FAM83G: variants seen among roughly 807,000 people sequenced by gnomAD.
The protein encoded by FAM83G is protein FAM83G.
Under a neutral mutation model 61.5 loss-of-function variants are expected in FAM83G, and 38 were observed. That is an observed-to-expected ratio of 0.62 (90% confidence interval 0.48 to 0.81). FAM83G has a LOEUF of 0.81. FAM83G is among the 30% of genes least tolerant of loss of function. The pLI is 0.00. For synonymous variants in FAM83G, 470 were observed against 476.1 expected, an observed-to-expected ratio of 0.99 and a Z score of 0.17; for missense variants, 989 against 1,133.6, an observed-to-expected ratio of 0.87 and a Z score of 1.83.
chr17:18,982,551 T>C (rs932146535), intron 3 of FAM83G, among the ~76,000 whole-genome samples: 2 of 152,144 alleles, frequency 1.3e-5, no homozygotes, highest in African/African-American at 4.8e-5. Context: ...AGTTTCCTCA[T>C]AAGTAAGAGA....
At chr17:18,976,222 A>C (rs1368079975) in intron 5 of FAM83G, 2 of 147,996 alleles carry the variant, frequency 1.4e-5, no homozygotes, top group Non-Finnish European at 1.5e-5. Context: ...TAGAATCGTA[A>C]TATCAGTGCT....
intron 5 of FAM83G, among the ~76,000 whole-genome samples, chr17:18,973,010 C>T (rs115317321): frequency 5.3e-4 from 81 of 152,372 alleles, no homozygotes; most frequent in African/African-American, 1.9e-3. Context: ...AAGCTGCCCA[C>T]ATCCGCCATG....
intron 2 of FAM83G, among the ~76,000 whole-genome samples, chr17:18,993,708 G>C (rs1375060778): frequency 6.6e-6 from 1 of 152,204 alleles, no homozygotes; most frequent in Non-Finnish European, 1.5e-5. Flanking sequence ...GGTGGACAGA[G>C]TCTCTCATCT....
chr17:18,977,156 T>C, intron 5 of FAM83G: 1 of 917,330 alleles, frequency 1.1e-6, no homozygotes, highest in Non-Finnish European at 1.6e-6. Flanking sequence ...GGGATTAACA[T>C]GGATGTGGCT....
rs2043585373 is a variant in FAM83G, at chr17:18,996,962, C to G, written c.522+6558G>C. ...GGCCCATGGCGGGTCACTTCCCACT[C>G]TAAGCCTCAGCTTCTCTTCTTGGTA... On this transcript the variant is annotated intron_variant, in intron 2 of 5. Coordinates refer to ENST00000388995, the MANE Select transcript of FAM83G (RefSeq NM_001039999.3). The surrounding 1 kb of genome is among the most constrained non-coding windows in gnomAD (Gnocchi z 4.4). Among the ~76,000 whole-genome samples, 2 of 152,268 alleles carry G rather than the reference C, an allele frequency of 1.3e-5. No homozygotes were observed. The highest frequency in any genetic ancestry group is 4.8e-5 in the African/African-American group (2 of 41,476).
intron 5 of FAM83G, chr17:18,977,154 C>T (rs1281469774): frequency 1.1e-6 from 1 of 934,154 alleles, no homozygotes; most frequent in African/African-American, 1.6e-5. Context: ...AAGGGATTAA[C>T]ATGGATGTGG....
Position 18,977,751 on chromosome 17 carries a change from T to C in FAM83G, c.1915A>G (p.Asn639Asp). 1 of 1,605,970 alleles carries C rather than the reference T, an allele frequency of 6.2e-7. No homozygotes were observed. The highest frequency in any genetic ancestry group is 2.2e-5 in the East Asian group (1 of 44,818). ...CGGCGCGGTGGTGGGGTTGGCCCGT[T>C]GGCCACTTGCTCTGAGTGGCGCCTC... ...LRRRHSEQVANGPTPPPRRQL... is the reference protein window; with the variant it reads ...LRRRHSEQVADGPTPPPRRQL... The change falls in exon 5 of 6, where the codon AAC (asparagine) becomes GAC (aspartate). Residue 639 changes from asparagine to aspartate, a missense_variant. This residue lies in a region of FAM83G where 574 missense variants were observed against 645.1 expected (regional missense o/e 0.89). Transcript: ENST00000388995.
rs572835495 is a variant in FAM83G at position 18,970,374 on chromosome 17, G to A, written c.*985C>T. ...AGTGACACAGACACAGATGGGCCAG[G>A]GCTTGGCCATGCCGGGCCCTGACCC... On this transcript the variant is annotated 3_prime_UTR_variant, in exon 6 of 6. Transcript: ENST00000388995. 1.3e-5 allele frequency: 2 copies of A among 155,404 alleles called. No homozygotes were observed. The highest frequency in any genetic ancestry group is 1.4e-5 in the Non-Finnish European group (1 of 69,988). 9.6% of individuals were successfully genotyped at this position (155,404 alleles called of 1,614,324 possible).
rs547210552 is a variant in FAM83G, at chr17:19,000,614, G to T, written c.522+2906C>A. Among the ~76,000 whole-genome samples, 1 of 152,160 alleles carries T rather than the reference G, an allele frequency of 6.6e-6. No homozygotes were observed. Among genetic ancestry groups the T allele is most frequent in the African/African-American group, 2.4e-5 (1 of 41,424 alleles). On this transcript the variant is annotated intron_variant, in intron 2 of 5. Coordinates refer to ENST00000388995, the MANE Select transcript of FAM83G (RefSeq NM_001039999.3). This position sits in a 1 kb window ranked among gnomAD's most constrained non-coding sequence, Gnocchi z 5.2. ...CGACAGGTAAGGTGAGTGAGGAGGC[G>T]GAAGGCTGGGCTGTCCTGACTCAGC...
chr17:19,005,594 G>A (rs1032883412), upstream of FAM83G, among the ~76,000 whole-genome samples: 1 of 152,036 alleles, frequency 6.6e-6, no homozygotes, highest in Admixed American at 6.5e-5. Flanking sequence ...TTTGGGTCCC[G>A]TAAGGATGCT....
intron 3 of FAM83G, among the ~76,000 whole-genome samples, chr17:18,981,849 G>A (rs1003350664): frequency 3.3e-5 from 5 of 152,202 alleles, no homozygotes; most frequent in Non-Finnish European, 7.3e-5. Flanking sequence ...ATTAGCGCTC[G>A]TGACTTTGTA....
intron 3 of FAM83G, among the ~76,000 whole-genome samples, chr17:18,981,715 T>A (rs1373006810): frequency 6.6e-6 from 1 of 152,156 alleles, no homozygotes; most frequent in Non-Finnish European, 1.5e-5. Flanking sequence ...AGCCTTTTCA[T>A]AGGGCCCAGT....
intron 3 of FAM83G, among the ~76,000 whole-genome samples, 198 bp from the exon 4 acceptor site, chr17:18,979,871 G>A (rs1010374568): frequency 5.9e-5 from 9 of 152,148 alleles, no homozygotes; most frequent in Non-Finnish European, 1.2e-4. Flanking sequence ...CTGCTGAGCC[G>A]TGAAGCTACA....
In FAM83G at chr17:18,969,372, C is replaced by A; in HGVS notation, c.*1987G>T. 3 of 1,613,716 alleles carry A rather than the reference C, an allele frequency of 1.9e-6. No individual in the cohort carries two copies. The highest frequency in any genetic ancestry group is 2.2e-5 in the South Asian group (2 of 91,076). On this transcript the variant is annotated 3_prime_UTR_variant, in exon 6 of 6. Coordinates refer to ENST00000388995, the MANE Select transcript of FAM83G (RefSeq NM_001039999.3). ...CTGGCTGCTGTAATCTACACGGACGCCCTGCAGACGCTCATCATGGTGGTG... is the reference window on the plus strand; with the variant it reads ...CTGGCTGCTGTAATCTACACGGACGACCTGCAGACGCTCATCATGGTGGTG...
rs79796244 is a variant in FAM83G, at chr17:18,984,907, C to T, written c.690+3340G>A. Among the ~76,000 whole-genome samples the T allele has an allele frequency of 3.3e-3, 504 of 152,354 alleles. 2 individuals are homozygous for T. The highest frequency in any genetic ancestry group is 0.01 in the Middle Eastern group (3 of 294). ...GGCCACTGGGGCCGGCCAGGGCAACCGGCTGAGGTGCTTAGGAATGGCTGG... is the reference window on the plus strand; with the variant it reads ...GGCCACTGGGGCCGGCCAGGGCAACTGGCTGAGGTGCTTAGGAATGGCTGG... On this transcript the variant is annotated intron_variant, in intron 3 of 5. Transcript: ENST00000388995.
At chr17:19,006,086 C>G (rs139243673), upstream of FAM83G, among the ~76,000 whole-genome samples, 848 of 152,300 alleles carry the variant, frequency 5.6e-3, 27 homozygotes, top group Admixed American at 0.045. Flanking sequence ...TCCACCACCC[C>G]AACACTTCTG....
chr17:18,970,174 GCAGCAGGCTGCCTCTTC>G lies in FAM83G; in HGVS notation c.*1168_*1184del, dbSNP rs1385471301. The G allele has an allele frequency of 1.3e-5, 2 of 152,264 alleles. No individual in the cohort carries two copies. 9.4% of individuals were successfully genotyped at this position (152,264 alleles called of 1,614,324 possible). A position where few individuals can be genotyped will look rare whatever the true frequency, so the allele number is the denominator to read the frequency against. On this transcript the variant is annotated 3_prime_UTR_variant, in exon 6 of 6. Coordinates refer to ENST00000388995, the MANE Select transcript of FAM83G (RefSeq NM_001039999.3). ...TGATGCTGGGGAGACCAGCATCCAG[GCAGCAGGCTGCCTCTTC>G]CATGTCCCACTTGGAAAAGGCTAGG... is the stretch of plus-strand genomic sequence containing the variant.
rs768885597 is a variant in FAM83G at position 18,977,981 on chromosome 17, T to C, written c.1685A>G (p.Gln562Arg). 1.3e-6 allele frequency: 2 copies of C among 1,581,454 alleles called. No homozygotes were observed. Among genetic ancestry groups the C allele is most frequent in the Non-Finnish European group, 1.7e-6 (2 of 1,163,298 alleles). The change falls in exon 5 of 6, where the codon CAG (glutamine) becomes CGG (arginine). Residue 562 changes from glutamine (Q) to arginine (R), a missense_variant. Transcript: ENST00000388995. Reference sequence around the variant, plus strand: ...CACCCCGAGGCTCTCGGGGTCATCCTGGGTCACAGATAGCTGCCGCTGGAG... The same window carrying C: ...CACCCCGAGGCTCTCGGGGTCATCCCGGGTCACAGATAGCTGCCGCTGGAG... ...APLQRQLSVT[Q>R]DDPESLGVGL...
chr17:18,976,958 GCCGGGCATGATCA>G (rs764948983), intron 5 of FAM83G: 2 of 1,613,100 alleles, frequency 1.2e-6, no homozygotes, highest in Non-Finnish European at 1.7e-6. Context: ...TGATCATCAT[GCCGGGCATGATCA>G]GCCGCGCATT....
Sources: allele counts gnomAD v4.1 joint callset (sites outside exome capture counted in the v4.1 genomes callset), GRCh38; gene constraint gnomAD v4.1.1; regional missense constraint gnomAD v4.1.1; non-coding constraint Gnocchi (gnomAD v3.1); transcripts MANE v1.5; gene names NCBI Gene and HGNC (gene_info 2026-07-23, HGNC 2026-07-21).